Variants in IMPG1 observed in about 807,000 individuals in gnomAD.
The protein encoded by IMPG1 is interphotoreceptor matrix proteoglycan 1.
A neutral mutation model predicts 92.0 loss-of-function variants in IMPG1; 85 were observed. The ratio of observed to expected loss-of-function variants is 0.92; its 90% CI spans 0.78 to 1.11. IMPG1 has a LOEUF of 1.11. IMPG1 is among the 50% of genes least tolerant of loss of function. The pLI, the probability that IMPG1 is intolerant of heterozygous loss-of-function variation, is 0.00. For missense variants in IMPG1, 1,022 were observed against 956.0 expected (o/e 1.07, Z -0.91); for synonymous variants, 367 against 334.1 (o/e 1.10, Z -1.08).
chr6:76,060,243 T>C (rs1014964568), intron 1 of IMPG1, among the ~76,000 whole-genome samples: 5 of 152,152 alleles, frequency 3.3e-5, no homozygotes, highest in East Asian at 1.9e-4. Context: ...TGAATGTAAA[T>C]GGGAAAATAT....
chr6:76,058,005 A>T (rs1291892329), intron 1 of IMPG1, among the ~76,000 whole-genome samples: 2 of 151,884 alleles, frequency 1.3e-5, no homozygotes, highest in East Asian at 3.9e-4. Context: ...AATAAAATAA[A>T]ATAGGGTTGT....
chr6:76,007,605 T>A (rs977469401), intron 8 of IMPG1, 105 bp from the exon 9 acceptor site: 53 of 722,476 alleles, frequency 7.3e-5, no homozygotes, highest in Non-Finnish European at 1.1e-4. Flanking sequence ...AAAAAAATAT[T>A]TCTTTCCATT....
At chr6:76,053,018 C>A (rs2127596410) in intron 1 of IMPG1, among the ~76,000 whole-genome samples, 1 of 152,292 alleles carries the variant, frequency 6.6e-6, no homozygotes, top group Non-Finnish European at 1.5e-5. Flanking sequence ...CTGCTGCCAT[C>A]TCCTCACATG....
At chr6:76,003,832 G>T in intron 11 of IMPG1, 42 bp downstream of exon 11, 1 of 1,435,106 alleles carries the variant, frequency 7.0e-7, no homozygotes, top group Non-Finnish European at 9.8e-7. Flanking sequence ...AAGGTTTTGA[G>T]ACTTTGTTCC....
intron 12 of IMPG1, among the ~76,000 whole-genome samples, chr6:75,979,378 G>T (rs1782592062): frequency 6.6e-6 from 1 of 152,192 alleles, no homozygotes; most frequent in Non-Finnish European, 1.5e-5. Flanking sequence ...GTGGAGAGGG[G>T]ACATCCAATG....
chr6:76,015,225 G>A (rs934646959), intron 7 of IMPG1, among the ~76,000 whole-genome samples: 4 of 152,162 alleles, frequency 2.6e-5, no homozygotes, highest in African/African-American at 9.7e-5. Context: ...AAATTACTGC[G>A]AAGCACTGTC....
intron 1 of IMPG1, among the ~76,000 whole-genome samples, chr6:76,047,129 T>C (rs989960417): frequency 5.0e-4 from 76 of 152,214 alleles, no homozygotes; most frequent in African/African-American, 1.8e-3. Flanking sequence ...CCTACCACTC[T>C]TCTTTTCTAA....
At chr6:76,020,631 A>C (rs1582109367) in intron 6 of IMPG1, among the ~76,000 whole-genome samples, 1 of 151,890 alleles carries the variant, frequency 6.6e-6, no homozygotes, top group Non-Finnish European at 1.5e-5. Context: ...CTAGTCTGCC[A>C]CTCCTTATAC....
intron 3 of IMPG1, 99 bp from the exon 4 acceptor site, chr6:76,034,442 C>A: frequency 7.9e-7 from 1 of 1,260,704 alleles, no homozygotes; most frequent in South Asian, 1.3e-5. Flanking sequence ...ACCTACACTT[C>A]AACCTGACTG....
At chr6:76,019,067 T>C (rs920511754) in intron 6 of IMPG1, among the ~76,000 whole-genome samples, 1 of 152,184 alleles carries the variant, frequency 6.6e-6, no homozygotes, top group African/African-American at 2.4e-5. Context: ...TGAAACTAGT[T>C]AGAAAATACT....
intron 1 of IMPG1, among the ~76,000 whole-genome samples, chr6:76,058,561 A>T (rs1784156707): frequency 6.6e-6 from 1 of 152,162 alleles, no homozygotes; most frequent in African/African-American, 2.4e-5. Context: ...AAAATTAGTA[A>T]GTGGCAGAGC....
At chr6:75,927,931 T>C (rs1781586964) in intron 15 of IMPG1, among the ~76,000 whole-genome samples, 1 of 152,004 alleles carries the variant, frequency 6.6e-6, no homozygotes, top group Non-Finnish European at 1.5e-5. Context: ...CCACCAACCT[T>C]TTTGAGAGGT....
chr6:75,984,845 C>A (rs1782687814), intron 12 of IMPG1, among the ~76,000 whole-genome samples: 1 of 152,210 alleles, frequency 6.6e-6, no homozygotes, highest in African/African-American at 2.4e-5. Context: ...ATGGCAACTT[C>A]CCCTACCCTT....
chr6:76,016,677 C>T (rs750806323), intron 7 of IMPG1, among the ~76,000 whole-genome samples: 10 of 152,166 alleles, frequency 6.6e-5, no homozygotes, highest in African/African-American at 2.4e-4. Context: ...CCTGTTTGTT[C>T]CCTGGCCATG....
At chr6:75,975,640 A>C (rs1782520892) in intron 12 of IMPG1, among the ~76,000 whole-genome samples, 1 of 152,254 alleles carries the variant, frequency 6.6e-6, no homozygotes, top group Non-Finnish European at 1.5e-5. Context: ...AGACAATTTC[A>C]ACATTACATT....
At chr6:75,997,180 A>C (rs1475460556) in intron 12 of IMPG1, among the ~76,000 whole-genome samples, 3 of 152,170 alleles carry the variant, frequency 2.0e-5, no homozygotes, top group South Asian at 2.1e-4. Context: ...TTGAATGGCC[A>C]TTCTTTCTTT....
At chr6:75,996,204 T>C (rs1782899933) in intron 12 of IMPG1, among the ~76,000 whole-genome samples, 1 of 152,080 alleles carries the variant, frequency 6.6e-6, no homozygotes, top group African/African-American at 2.4e-5. Flanking sequence ...CGTGCACTAG[T>C]GGCATATGGG....
chr6:75,952,803 A>G (rs989692597), intron 12 of IMPG1, among the ~76,000 whole-genome samples: 4 of 152,190 alleles, frequency 2.6e-5, no homozygotes, highest in African/African-American at 9.6e-5. Context: ...TCTTTCTGCC[A>G]TGTGAGAATA....
chr6:76,056,785 T>C (rs1053689937), intron 1 of IMPG1, among the ~76,000 whole-genome samples: 2 of 152,170 alleles, frequency 1.3e-5, no homozygotes, highest in Admixed American at 6.6e-5. Flanking sequence ...TTAGAGCACC[T>C]TTTCATAGCT....
Sources: gnomAD v4.1 joint callset for allele counts (sites outside exome capture counted in the v4.1 genomes callset) on GRCh38, gnomAD v4.1.1 for gene constraint, MANE v1.5 for transcripts, NCBI Gene and HGNC (gene_info 2026-07-23, HGNC 2026-07-21) for gene names.